Variants in CBLN4 observed in about 807,000 individuals in gnomAD.
The protein encoded by CBLN4 is cerebellin-4.
CBLN4 carries 7 observed loss-of-function variants against 14.9 expected under a neutral mutation model. The observed-to-expected ratio is 0.47, with a 90% CI of 0.27 to 0.88. The LOEUF is 0.88. Among genes scored for constraint, CBLN4 ranks in the 40% least tolerant of loss-of-function variants. The pLI, the probability that CBLN4 is intolerant of heterozygous loss-of-function variation, is 0.14. For synonymous variants in CBLN4, 131 were observed against 116.5 expected (o/e 1.12, Z -0.80); for missense variants, 188 against 256.8 (o/e 0.73, Z 1.83).
rs777250197 is a variant in CBLN4, at chr20:55,998,641, C to T, written c.522G>A (p.Lys174=). ...GVLLYLDKED[K]VYLKLEKGNL... ...TACCTTTCTCCAGTTTTAGGTAAAC[C>T]TTATCCTCTTTATCTAGGTAGAGCA... The change falls in exon 3 of 3, where the codon AAG becomes AAA. Residue 174 remains lysine (K), a synonymous_variant. Transcript: ENST00000064571. 1.9e-6 allele frequency: 3 copies of T among 1,614,012 alleles called. No homozygotes were observed. Among genetic ancestry groups the T allele is most frequent in the Admixed American group, 3.3e-5 (2 of 60,008 alleles).
rs1986353560 is a variant in CBLN4, at chr20:56,000,714, G to A, written c.408+17C>T. On this transcript the variant is annotated intron_variant, in intron 2 of 2. Transcript: ENST00000064571. ...CAGTTGGTTGAGAGTATGGATGGAA[G>A]AGGTCAAAACACACACCTGGATAGT... 3.0e-6 allele frequency: 4 copies of A among 1,333,038 alleles called. No individual in the cohort carries two copies. The highest frequency in any genetic ancestry group is 2.1e-5 in the Admixed American group (1 of 48,456). The allele number at this position is 1,333,038 out of a possible 1,614,324, so 82.6% of individuals were successfully genotyped here. A position where few individuals can be genotyped will look rare whatever the true frequency, so the allele number is the denominator to read the frequency against.
intron 2 of CBLN4, among the ~76,000 whole-genome samples, chr20:55,999,043 T>G (rs906674580): frequency 1.1e-4 from 17 of 152,084 alleles, no homozygotes; most frequent in African/African-American, 3.9e-4. Context: ...CTTCAGCACA[T>G]AAATTAAGCT....
Position 55,998,766 on chromosome 20 carries a change from A to G in CBLN4, c.409-12T>C, listed in dbSNP as rs780788595. ...AACATCAAGTTAACCTAGAAGAAGA[A>G]AAATAATAATAATTGAAAAGTTCTC... On this transcript the variant is annotated splice_polypyrimidine_tract_variant and intron_variant, in intron 2 of 2. Transcript: ENST00000064571. 4.4e-6 allele frequency: 7 copies of G among 1,592,248 alleles called. No homozygotes were observed. The African/African-American group carries it at 8.1e-5, about 18-fold the overall frequency.
chr20:56,001,206 C>T lies in CBLN4; in HGVS notation c.292-359G>A, dbSNP rs146728039. Among the ~76,000 whole-genome samples the T allele has an allele frequency of 8.9e-4, 135 of 152,330 alleles. 2 individuals are homozygous for T. The highest frequency in any genetic ancestry group is 3.0e-3 in the African/African-American group (123 of 41,576). On this transcript the variant is annotated intron_variant, in intron 1 of 2. Transcript: ENST00000064571. The stretch of plus-strand genomic sequence containing the variant: ...CAAGGCCCAATGGCTCTGGAAACAT[C>T]GAGCTAACATTTGAGAACTTATAAA...
At chr20:56,001,916 T>C (rs1986380698) in intron 1 of CBLN4, among the ~76,000 whole-genome samples, 1 of 152,180 alleles carries the variant, frequency 6.6e-6, no homozygotes, top group African/African-American at 2.4e-5. Context: ...GTTCCATTTC[T>C]TTCCAAGAAA....
chr20:55,998,815 G>A (rs1986322913), intron 2 of CBLN4, 61 bp from the exon 3 acceptor site: 1 of 1,240,492 alleles, frequency 8.1e-7, no homozygotes, highest in Non-Finnish European at 1.2e-6. Context: ...CATCTACTGG[G>A]GAGAATAAAT....
In CBLN4 at chr20:56,004,813, C is replaced by G. The variant is rs1568835610; in HGVS notation, c.-642G>C. 1 of 152,420 alleles carries G rather than the reference C, an allele frequency of 6.6e-6. No individual in the cohort carries two copies. The highest frequency in any genetic ancestry group is 1.5e-5 in the Non-Finnish European group (1 of 68,190). The allele number at this position is 152,420 out of a possible 1,614,324, so 9.4% of individuals were successfully genotyped here. A position where few individuals can be genotyped will look rare whatever the true frequency, so the allele number is the denominator to read the frequency against. ...TGTCACCCAGAGGTAGGGAGGGAGG[C>G]AGCGGCTAGCCAGGTCCCTCGCACC... On this transcript the variant is annotated 5_prime_UTR_variant, in exon 1 of 3. Coordinates refer to ENST00000064571, the MANE Select transcript of CBLN4 (RefSeq NM_080617.6). The surrounding 1 kb of genome is among the most constrained non-coding windows in gnomAD (Gnocchi z 6.1).
At chr20:56,003,308 C>A (rs1373696919) in intron 1 of CBLN4, among the ~76,000 whole-genome samples, 3 of 152,222 alleles carry the variant, frequency 2.0e-5, no homozygotes, top group African/African-American at 7.2e-5. Flanking sequence ...CGGTGCCTGG[C>A]ACACGAACAG....
chr20:56,001,085 T>G (rs1986361903), intron 1 of CBLN4, among the ~76,000 whole-genome samples: 1 of 152,212 alleles, frequency 6.6e-6, no homozygotes, highest in Non-Finnish European at 1.5e-5. Flanking sequence ...TTAACTGATT[T>G]GGAAAATTGA....
At position 56,000,846 on chromosome 20, in the gene CBLN4, A is replaced by T; in HGVS notation, c.293T>A (p.Ile98Asn). Residue 98 changes from isoleucine (I) to asparagine (N), a missense_variant and splice_region_variant, in exon 2 of 3, where the codon ATC (isoleucine) becomes AAC (asparagine). Ile to Asn is a moderately radical substitution (Grantham distance 149). Coordinates refer to ENST00000064571, the MANE Select transcript of CBLN4 (RefSeq NM_080617.6). ...GAAAAAATTACCCACATTCACCAGG[A>T]TCTACAAATAAAAATAATAAATAAC... Reference protein sequence around the residue: ...NKTRIIYFDQILVNVGNFFTL... With the variant: ...NKTRIIYFDQNLVNVGNFFTL... 1 of 1,475,354 alleles carries T rather than the reference A, an allele frequency of 6.8e-7. No homozygotes were observed. The highest frequency in any genetic ancestry group is 1.3e-5 in the South Asian group (1 of 76,426). 91.4% of individuals were successfully genotyped at this position (1,475,354 alleles called of 1,614,324 possible).
chr20:55,998,710 C>T lies in CBLN4; in HGVS notation c.453G>A (p.Ala151=), dbSNP rs760799142. The change falls in exon 3 of 3, where the codon GCG becomes GCA. Residue 151 remains alanine, a synonymous_variant. Transcript: ENST00000064571. ...LNGKPVISAF[A]GDKDVTREAA... ...CTTCACGAGTAACATCTTTGTCCCC[C>T]GCAAAGGCAGATATTACTGGTTTTC... 16 of 1,613,904 alleles carry T rather than the reference C, an allele frequency of 9.9e-6. No individual in the cohort carries two copies. The highest frequency in any genetic ancestry group is 1.7e-5 in the Admixed American group (1 of 59,996).
In CBLN4 at chr20:56,000,711, G is replaced by C. The variant is rs765337533; in HGVS notation, c.408+20C>G. Reference sequence around the variant, plus strand: ...GCACAGTTGGTTGAGAGTATGGATGGAAGAGGTCAAAACACACACCTGGAT... The same window carrying C: ...GCACAGTTGGTTGAGAGTATGGATGCAAGAGGTCAAAACACACACCTGGAT... On this transcript the variant is annotated intron_variant, in intron 2 of 2. Coordinates refer to ENST00000064571, the MANE Select transcript of CBLN4 (RefSeq NM_080617.6). 3.8e-6 allele frequency: 5 copies of C among 1,310,912 alleles called. No individual in the cohort carries two copies. In the South Asian group the frequency reaches 7.1e-5, roughly 19 times the overall value. 81.2% of individuals were successfully genotyped at this position (1,310,912 alleles called of 1,614,324 possible). A position where few individuals can be genotyped will look rare whatever the true frequency, so the allele number is the denominator to read the frequency against.
chr20:56,001,059 T>C (rs1452107140), intron 1 of CBLN4, among the ~76,000 whole-genome samples: 1 of 152,154 alleles, frequency 6.6e-6, no homozygotes, highest in Non-Finnish European at 1.5e-5. Context: ...AAACATCTAG[T>C]TCTGTATCTT....
chr20:56,004,035 G>A lies in CBLN4; in HGVS notation c.137C>T (p.Ser46Leu), dbSNP rs1251953572. The A allele has an allele frequency of 1.2e-6, 2 of 1,614,006 alleles. No individual in the cohort carries two copies. The highest frequency in any genetic ancestry group is 1.7e-6 in the Non-Finnish European group (2 of 1,179,974). ...LEGKCLVVCDSNPATDSKGSS... is the reference protein window; with the variant it reads ...LEGKCLVVCDLNPATDSKGSS... The stretch of plus-strand genomic sequence containing the variant: ...GCCCTTGGAGTCCGTGGCCGGGTTC[G>A]AGTCGCACACCACCAGACACTTGCC... Residue 46 changes from serine to leucine, a missense_variant, in exon 1 of 3, where the codon TCG becomes TTG. Physicochemically the swap from Ser to Leu is moderately radical, Grantham distance 145. Transcript: ENST00000064571. The surrounding 1 kb of genome is among the most constrained non-coding windows in gnomAD (Gnocchi z 6.1).
intron 2 of CBLN4, among the ~76,000 whole-genome samples, chr20:56,000,241 C>T (rs776484733): frequency 2.6e-5 from 4 of 152,148 alleles, no homozygotes; most frequent in South Asian, 2.1e-4. Context: ...CATAGAACAC[C>T]GTTTTTTAAA....
intron 1 of CBLN4, among the ~76,000 whole-genome samples, chr20:56,001,863 G>C (rs548723501): frequency 2.0e-5 from 3 of 152,268 alleles, no homozygotes; most frequent in African/African-American, 7.2e-5. Context: ...CTATGAGAAA[G>C]AGGGATTGGG....
chr20:56,000,784 T>C lies in CBLN4; in HGVS notation c.355A>G (p.Ile119Val), dbSNP rs1986354680. The change falls in exon 2 of 3, where the codon ATT becomes GTT. Residue 119 changes from isoleucine (I) to valine (V), a missense_variant. Transcript: ENST00000064571. ...ESVFVAPRKG[I>V]YSFSFHVIKV... Reference sequence around the variant, plus strand: ...ATCACGTGAAAACTGAAACTGTAAATTCCTTTTCTTGGTGCTACAAAGACA... The same window carrying C: ...ATCACGTGAAAACTGAAACTGTAAACTCCTTTTCTTGGTGCTACAAAGACA... 1 of 1,602,874 alleles carries C rather than the reference T, an allele frequency of 6.2e-7. No homozygotes were observed. Among genetic ancestry groups the C allele is most frequent in the Admixed American group, 1.7e-5 (1 of 58,542 alleles).
rs1986318970 is a variant in CBLN4, at chr20:55,998,597, T to C, written c.566A>G (p.Gln189Arg). 2 of 1,614,150 alleles carry C rather than the reference T, an allele frequency of 1.2e-6. No homozygotes were observed. The highest frequency in any genetic ancestry group is 1.7e-6 in the Non-Finnish European group (2 of 1,179,976). ...LEKGNLVGGW[Q>R]YSTFSGFLVF... ...CAGAAAGCCAGAAAACGTGGAATAC[T>C]GCCAGCCTCCAACCAAATTACCTTT... is the stretch of plus-strand genomic sequence containing the variant. Residue 189 changes from glutamine to arginine, a missense_variant, in exon 3 of 3, where the codon CAG (glutamine) becomes CGG (arginine). Coordinates refer to ENST00000064571, the MANE Select transcript of CBLN4 (RefSeq NM_080617.6).
Position 56,003,979 on chromosome 20 carries a change from G to A in CBLN4, c.193C>T (p.Arg65Trp), listed in dbSNP as rs1986419759. The change falls in exon 1 of 3, where the codon CGG becomes TGG. Residue 65 changes from arginine (R) to tryptophan (W), a missense_variant. Physicochemically the swap from Arg to Trp is moderately radical, Grantham distance 101. Coordinates refer to ENST00000064571, the MANE Select transcript of CBLN4 (RefSeq NM_080617.6). Reference protein sequence around the residue: ...SSSSPLGISVRAANSKVAFSA... With the variant: ...SSSSPLGISVWAANSKVAFSA... ...AAGGCGACCTTGGAGTTGGCCGCCC[G>A]GACCGATATCCCCAGCGGGGAGGAA... is the stretch of plus-strand genomic sequence containing the variant. The A allele has an allele frequency of 1.2e-6, 2 of 1,614,024 alleles. No homozygotes were observed. The highest frequency in any genetic ancestry group is 8.5e-7 in the Non-Finnish European group (1 of 1,180,000).
Sources: allele counts gnomAD v4.1 joint callset (sites outside exome capture counted in the v4.1 genomes callset), GRCh38; gene constraint gnomAD v4.1.1; non-coding constraint Gnocchi (gnomAD v3.1); transcripts MANE v1.5; gene names NCBI Gene and HGNC (gene_info 2026-07-23, HGNC 2026-07-21).